The following CPAMD8 variants were observed in gnomAD, a reference collection of about 807,000 sequenced individuals.
CPAMD8 encodes C3 and PZP-like alpha-2-macroglobulin domain-containing protein 8.
CPAMD8 carries 146 observed loss-of-function variants against 224.7 expected under a neutral mutation model. That is an observed-to-expected ratio of 0.65 (90% CI 0.57 to 0.75). CPAMD8 has a LOEUF of 0.75. CPAMD8 is among the 30% of genes least tolerant of loss of function. The probability of loss-of-function intolerance (pLI) is 0.00; values close to 1 mark genes in which losing one functional copy is unlikely to be tolerated. For synonymous variants in CPAMD8, 966 were observed against 1,044.6 expected (o/e 0.92, Z 1.45); for missense variants, 2,301 against 2,537.5 (o/e 0.91, Z 2.00).
chr19:16,997,453 G>A, intron 10 of CPAMD8, 115 bp from the exon 11 acceptor site: 1 of 685,884 alleles, frequency 1.5e-6, no homozygotes, highest in Admixed American at 2.1e-5. Flanking sequence ...AGGGCCAGGG[G>A]TCACTTGGTG....
chr19:17,007,597 C>T (rs898753071), intron 7 of CPAMD8, among the ~76,000 whole-genome samples: 2 of 152,082 alleles, frequency 1.3e-5, no homozygotes, highest in Non-Finnish European at 2.9e-5. Context: ...CACCAACAGA[C>T]CCCCGTGATC....
At chr19:16,948,282 G>A (rs956394430) in intron 20 of CPAMD8, among the ~76,000 whole-genome samples, 3 of 152,194 alleles carry the variant, frequency 2.0e-5, no homozygotes, top group African/African-American at 7.2e-5. Context: ...CTGGCACAGA[G>A]GCTGCAGGTG....
intron 2 of CPAMD8, 77 bp downstream of exon 2, chr19:17,021,953 C>G: frequency 6.9e-7 from 1 of 1,439,928 alleles, no homozygotes; most frequent in Non-Finnish European, 9.3e-7. Context: ...CCCACACTGC[C>G]CCAGCCCTGA....
At chr19:17,020,804 G>A (rs140971497) in intron 2 of CPAMD8, among the ~76,000 whole-genome samples, 2 of 152,292 alleles carry the variant, frequency 1.3e-5, no homozygotes, top group African/African-American at 2.4e-5. Flanking sequence ...ACTGTACTAG[G>A]TTTCTGGCCT....
At chr19:17,002,228 G>A (rs1384135370) in intron 9 of CPAMD8, 38 bp downstream of exon 9, 2 of 1,363,484 alleles carry the variant, frequency 1.5e-6, no homozygotes, top group Middle Eastern at 1.8e-4. Context: ...GAAGGGGAAG[G>A]GCCCCCCCAG....
chr19:16,981,190 C>T (rs1369009563), intron 13 of CPAMD8, among the ~76,000 whole-genome samples: 2 of 151,842 alleles, frequency 1.3e-5, no homozygotes, highest in Non-Finnish European at 2.9e-5. Flanking sequence ...CCCATCTCTA[C>T]AAAAAGCACA....
chr19:17,011,779 T>C (rs1370045896), intron 3 of CPAMD8, 22 bp from the exon 4 acceptor site: 3 of 1,607,944 alleles, frequency 1.9e-6, no homozygotes, highest in Middle Eastern at 1.7e-4. Context: ...GGAAGGAGCT[T>C]TGGGACAAGA....
chr19:17,001,815 G>A (rs559171217), intron 9 of CPAMD8, among the ~76,000 whole-genome samples: 2 of 151,562 alleles, frequency 1.3e-5, no homozygotes, highest in South Asian at 2.1e-4. Flanking sequence ...AGGGGCCCAG[G>A]GGGAGGAAGA....
At chr19:16,943,402 T>TATTC (rs569576858) in intron 22 of CPAMD8, among the ~76,000 whole-genome samples, 1,620 of 152,122 alleles carry the variant, frequency 0.011, 37 homozygotes, top group African/African-American at 0.037. Context: ...TTTATTTATT[T>TATTC]ATTCATTCAT....
At chr19:16,918,487 AC>A (rs1318433030) in intron 27 of CPAMD8, among the ~76,000 whole-genome samples, 2 of 140,714 alleles carry the variant, frequency 1.4e-5, no homozygotes, top group Admixed American at 7.3e-5. Flanking sequence ...TTGCTCTGTC[AC>A]CCAGGCTGGA....
At chr19:16,901,152 A>C in intron 36 of CPAMD8, 58 bp downstream of exon 36, 1 of 1,272,414 alleles carries the variant, frequency 7.9e-7, no homozygotes, top group Non-Finnish European at 1.1e-6. Flanking sequence ...CTGGGTGCCT[A>C]AGCCCTACCT....
chr19:16,997,701 A>C (rs1410060357), intron 10 of CPAMD8, among the ~76,000 whole-genome samples: 1 of 152,008 alleles, frequency 6.6e-6, no homozygotes, highest in Non-Finnish European at 1.5e-5. Flanking sequence ...AAATGTAAAA[A>C]AATAGCTGGG....
intron 7 of CPAMD8, among the ~76,000 whole-genome samples, chr19:17,007,780 G>T (rs1447680942): frequency 6.6e-6 from 1 of 152,154 alleles, no homozygotes; most frequent in Non-Finnish European, 1.5e-5. Flanking sequence ...CATAGGAAAA[G>T]AAAAGAAAAA....
chr19:16,961,499 C>T (rs2054655922), intron 18 of CPAMD8, among the ~76,000 whole-genome samples: 1 of 152,248 alleles, frequency 6.6e-6, no homozygotes, highest in South Asian at 2.1e-4. Flanking sequence ...AGTAAGTAAA[C>T]AAAGTGGCTG....
At chr19:16,967,729 A>C (rs1449110373) in intron 18 of CPAMD8, among the ~76,000 whole-genome samples, 1 of 151,500 alleles carries the variant, frequency 6.6e-6, no homozygotes, top group Non-Finnish European at 1.5e-5. Context: ...GAATGGCATG[A>C]AACCGGTAGG....
In CPAMD8 at chr19:17,000,506, GT is replaced by G; in HGVS notation, c.774del (p.Lys258AsnfsTer7). 1 of 1,368,190 alleles carries G rather than the reference GT, an allele frequency of 7.3e-7. No homozygotes were observed. Among genetic ancestry groups the G allele is most frequent in the Non-Finnish European group, 1.0e-6 (1 of 954,106 alleles). The allele number at this position is 1,368,190 out of a possible 1,614,324, so 84.8% of individuals were successfully genotyped here. A position where few individuals can be genotyped will look rare whatever the true frequency, so the allele number is the denominator to read the frequency against. On this transcript the variant is annotated frameshift_variant, in exon 10 of 42. Coordinates refer to ENST00000443236, the MANE Select transcript of CPAMD8 (RefSeq NM_015692.5). LOFTEE classifies it high-confidence loss of function. Reference sequence around the variant, plus strand: ...TTGATCATTAAGGCACCAGCCACAGGTTTCCCAAAGGTATACCTGGAACAAA... The same window carrying G: ...TTGATCATTAAGGCACCAGCCACAGGTTCCCAAAGGTATACCTGGAACAAA... ...GTVRARYTFG[K>X]PVAGALMINM...
intron 10 of CPAMD8, 21 bp from the exon 11 acceptor site, chr19:16,997,359 G>GC: frequency 7.1e-7 from 1 of 1,401,262 alleles, no homozygotes; most frequent in Non-Finnish European, 1.0e-6. Flanking sequence ...GAAAAACACA[G>GC]CCCGTGCTCA....
chr19:16,982,988 A>C (rs1019844799), intron 13 of CPAMD8, among the ~76,000 whole-genome samples: 5 of 152,198 alleles, frequency 3.3e-5, no homozygotes, highest in Non-Finnish European at 5.9e-5. Flanking sequence ...TAATTTTATA[A>C]GGGGTTTTCC....
rs186072761 is a variant in CPAMD8 at position 16,957,270 on chromosome 19, G to A, written c.2276+583C>T. ...CAGCAGTCAGCCCACCTGCTGGCCC[G>A]GGCTGGACCAAGAGTCAGTTTTCAT... On this transcript the variant is annotated intron_variant, in intron 19 of 41. Transcript: ENST00000443236. 3.2e-4 allele frequency among the ~76,000 whole-genome samples: 48 copies of A among 152,326 alleles called. 1 individual carries two copies. Among genetic ancestry groups the A allele is most frequent in the Non-Finnish European group, 5.7e-4 (39 of 68,032 alleles).
Sources: gnomAD v4.1 joint callset for allele counts (sites outside exome capture counted in the v4.1 genomes callset) on GRCh38, gnomAD v4.1.1 for gene constraint, MANE v1.5 for transcripts, NCBI Gene and HGNC (gene_info 2026-07-23, HGNC 2026-07-21) for gene names.